LRRC20: variants seen among roughly 807,000 people sequenced by gnomAD.
LRRC20 encodes the protein leucine rich repeat containing 20, also known as leucine-rich repeat-containing protein 20.
Under a neutral mutation model 14.4 loss-of-function variants are expected in LRRC20, and 11 were observed. The ratio of observed to expected loss-of-function variants is 0.77; its 90% CI spans 0.48 to 1.27. The LOEUF (loss-of-function observed/expected upper bound fraction) is 1.27, where lower values mean the gene tolerates loss of function less well. Among genes scored for constraint, LRRC20 ranks in the 50% most tolerant of loss-of-function variants. The probability of loss-of-function intolerance (pLI) is 0.00; values close to 1 mark genes in which losing one functional copy is unlikely to be tolerated. For synonymous variants in LRRC20, 121 were observed against 107.3 expected, an observed-to-expected ratio of 1.13 and a Z score of -0.79; for missense variants, 219 against 251.2, an observed-to-expected ratio of 0.87 and a Z score of 0.87.
At chr10:70,323,764 C>A in intron 4 of LRRC20, 99 bp downstream of exon 4, 1 of 1,368,626 alleles carries the variant, frequency 7.3e-7, no homozygotes, top group Non-Finnish European at 1.0e-6. Context: ...ACAGAAAGCC[C>A]AAGCTTCTCC....
At chr10:70,342,112 A>G (rs1444955812) in intron 2 of LRRC20, among the ~76,000 whole-genome samples, 1 of 152,106 alleles carries the variant, frequency 6.6e-6, no homozygotes, top group African/African-American at 2.4e-5. Flanking sequence ...CAGCCTGGCC[A>G]ATATAGAGAA....
At chr10:70,347,923 G>C (rs989830213) in intron 2 of LRRC20, among the ~76,000 whole-genome samples, 1 of 152,018 alleles carries the variant, frequency 6.6e-6, no homozygotes, top group Non-Finnish European at 1.5e-5. Context: ...GGCCACATTA[G>C]AGGATGCCGA....
intron 2 of LRRC20, among the ~76,000 whole-genome samples, chr10:70,361,330 G>A (rs566377282): frequency 2.6e-5 from 4 of 152,252 alleles, no homozygotes; most frequent in Non-Finnish European, 5.9e-5. Context: ...GTGAGCAAGA[G>A]AGAGTGAGTC....
intron 1 of LRRC20, among the ~76,000 whole-genome samples, chr10:70,378,242 C>T (rs1844579839): frequency 6.6e-6 from 1 of 152,314 alleles, no homozygotes; most frequent in South Asian, 2.1e-4. Context: ...ATCTGTCCAC[C>T]TCCAGGAAAT....
intron 2 of LRRC20, among the ~76,000 whole-genome samples, chr10:70,363,521 T>A (rs1319087742): frequency 6.6e-6 from 1 of 152,160 alleles, no homozygotes; most frequent in Non-Finnish European, 1.5e-5. Context: ...CATATTTTGC[T>A]ATGGAAGCCT....
intron 2 of LRRC20, among the ~76,000 whole-genome samples, chr10:70,352,227 CT>C (rs34835020): frequency 0.74 from 111,155 of 150,242 alleles, 41,363 homozygotes; most frequent in Middle Eastern, 0.83. Flanking sequence ...TACGTTTAAG[CT>C]TTTTTTTTTT....
intron 2 of LRRC20, among the ~76,000 whole-genome samples, chr10:70,344,343 A>G (rs1462748074): frequency 6.6e-6 from 1 of 152,252 alleles, no homozygotes; most frequent in Non-Finnish European, 1.5e-5. Context: ...CAGAAACCCA[A>G]AACAGTCATG....
At chr10:70,351,811 G>A (rs544362213) in intron 2 of LRRC20, among the ~76,000 whole-genome samples, 12 of 152,272 alleles carry the variant, frequency 7.9e-5, no homozygotes, top group African/African-American at 2.9e-4. Context: ...GTAATTGATC[G>A]ATCCTAATCA....
chr10:70,326,740 C>G (rs1172803949), intron 3 of LRRC20, among the ~76,000 whole-genome samples: 3 of 151,906 alleles, frequency 2.0e-5, no homozygotes, highest in Non-Finnish European at 4.4e-5. Flanking sequence ...GCAAGCTCCG[C>G]CTCCTGGGTT....
At chr10:70,362,157 C>T (rs1843751887) in intron 2 of LRRC20, among the ~76,000 whole-genome samples, 1 of 152,228 alleles carries the variant, frequency 6.6e-6, no homozygotes, top group African/African-American at 2.4e-5. Flanking sequence ...TGCACTCTAG[C>T]CTGGGTGACA....
intron 4 of LRRC20, among the ~76,000 whole-genome samples, chr10:70,303,775 A>C (rs1841301554): frequency 6.6e-6 from 1 of 152,162 alleles, no homozygotes. Flanking sequence ...ACCACCTAAA[A>C]ATTTGTATTA....
intron 4 of LRRC20, among the ~76,000 whole-genome samples, chr10:70,303,537 G>A (rs988195829): frequency 2.0e-5 from 3 of 152,116 alleles, no homozygotes; most frequent in Admixed American, 2.0e-4. Flanking sequence ...AAAATTTAAC[G>A]TGTAGAATTT....
At chr10:70,354,583 C>T (rs1214351969) in intron 2 of LRRC20, among the ~76,000 whole-genome samples, 5 of 152,144 alleles carry the variant, frequency 3.3e-5, no homozygotes, top group Non-Finnish European at 5.9e-5. Context: ...GCATCACTGG[C>T]CTAGAGGGGC....
At chr10:70,308,423 TC>T (rs1490817981) in intron 4 of LRRC20, among the ~76,000 whole-genome samples, 1 of 151,754 alleles carries the variant, frequency 6.6e-6, no homozygotes, top group East Asian at 2.0e-4. Context: ...GCAGCCAGGT[TC>T]CCTAACGGGA....
intron 3 of LRRC20, among the ~76,000 whole-genome samples, chr10:70,333,701 C>A (rs1277821069): frequency 6.6e-6 from 1 of 152,222 alleles, no homozygotes; most frequent in South Asian, 2.1e-4. Flanking sequence ...ATGGCAAAAA[C>A]TGATGCAGAA....
chr10:70,319,916 G>A (rs983942564), intron 4 of LRRC20, among the ~76,000 whole-genome samples: 1 of 152,186 alleles, frequency 6.6e-6, no homozygotes, highest in East Asian at 1.9e-4. Flanking sequence ...CCTCTCATCT[G>A]GGTGGGAGAC....
At chr10:70,336,232 A>G (rs183829159) in intron 3 of LRRC20, among the ~76,000 whole-genome samples, 84 of 152,278 alleles carry the variant, frequency 5.5e-4, no homozygotes, top group African/African-American at 1.9e-3. Flanking sequence ...ACCGAACCCA[A>G]TGCTTGTGGG....
chr10:70,336,507 A>G (rs907311171), intron 3 of LRRC20, among the ~76,000 whole-genome samples: 3 of 152,210 alleles, frequency 2.0e-5, no homozygotes, highest in Admixed American at 2.0e-4. Context: ...CTGGGACTCA[A>G]TTAACAACTA....
intron 4 of LRRC20, among the ~76,000 whole-genome samples, chr10:70,323,315 A>G (rs1175340657): frequency 1.3e-5 from 2 of 151,966 alleles, no homozygotes; most frequent in African/African-American, 2.4e-5. Context: ...GCAGAACCCA[A>G]CCTCCTGGGG....
Sources: gnomAD v4.1 joint callset for allele counts (sites outside exome capture counted in the v4.1 genomes callset) on GRCh38, gnomAD v4.1.1 for gene constraint, MANE v1.5 for transcripts, NCBI Gene and HGNC (gene_info 2026-07-23, HGNC 2026-07-21) for gene names.